Variants in B3GLCT observed in about 807,000 individuals in gnomAD.
B3GLCT encodes the protein beta 3-glucosyltransferase, also known as beta-1,3-glucosyltransferase.
B3GLCT carries 65 observed loss-of-function variants against 63.4 expected under a neutral mutation model. The ratio of observed to expected loss-of-function variants is 1.03; its 90% confidence interval spans 0.84 to 1.26. The LOEUF (loss-of-function observed/expected upper bound fraction) is 1.26. Ranked by LOEUF, B3GLCT falls within the 50% of genes most tolerant of loss-of-function variation. The probability of loss-of-function intolerance (pLI) is 0.00; values close to 1 mark genes in which losing one functional copy is unlikely to be tolerated. For missense variants in B3GLCT, 577 were observed against 604.8 expected (o/e 0.95, Z 0.48); for synonymous variants, 233 against 219.2 (o/e 1.06, Z -0.55).
intron 12 of B3GLCT, among the ~76,000 whole-genome samples, chr13:31,309,812 A>G (rs1158270456): frequency 6.6e-6 from 1 of 152,190 alleles, no homozygotes; most frequent in African/African-American, 2.4e-5. Flanking sequence ...TAAAAATGTG[A>G]TTGAACAAGA....
chr13:31,294,935 T>C (rs1448464067), intron 12 of B3GLCT, among the ~76,000 whole-genome samples: 4 of 152,146 alleles, frequency 2.6e-5, no homozygotes, highest in Non-Finnish European at 5.9e-5. Context: ...TGGTTTTTCC[T>C]CATCTTCGTG....
intron 12 of B3GLCT, among the ~76,000 whole-genome samples, chr13:31,294,842 T>C (rs982798742): frequency 1.3e-5 from 2 of 152,214 alleles, no homozygotes; most frequent in African/African-American, 4.8e-5. Flanking sequence ...TGTCCAGTTT[T>C]GTTCCCTTGC....
At chr13:31,285,604 TAAAA>T (rs11339832) in intron 11 of B3GLCT, among the ~76,000 whole-genome samples, 2,685 of 84,188 alleles carry the variant, frequency 0.032, 43 homozygotes, top group Non-Finnish European at 0.035. Context: ...CTTTTATGAG[TAAAA>T]AAAAAAAAAA....
At chr13:31,274,861 C>A (rs1022196491) in intron 9 of B3GLCT, among the ~76,000 whole-genome samples, 15 of 152,102 alleles carry the variant, frequency 9.9e-5, no homozygotes, top group African/African-American at 3.6e-4. Flanking sequence ...TTCCTTCCTC[C>A]CCTTTTTAGA....
In B3GLCT at chr13:31,317,668, C is replaced by T. The variant is rs1875117878; in HGVS notation, c.1167C>T (p.Tyr389=). Residue 389 remains tyrosine (Y), a synonymous_variant, in exon 13 of 15, where the codon TAC becomes TAT. Coordinates refer to ENST00000343307, the MANE Select transcript of B3GLCT (RefSeq NM_194318.4). ...GYGLGTGGYS[Y]ITGGGGMVFS... ...GCCTGGGCACTGGTGGCTACAGCTA[C>T]ATCACGGGAGGAGGAGGGTAACTAT... 1.2e-6 allele frequency: 2 copies of T among 1,614,046 alleles called. No homozygotes were observed. Among genetic ancestry groups the T allele is most frequent in the African/African-American group, 2.7e-5 (2 of 75,006 alleles).
intron 1 of B3GLCT, among the ~76,000 whole-genome samples, chr13:31,201,674 T>G (rs1360626116): frequency 2.0e-5 from 3 of 152,228 alleles, no homozygotes; most frequent in Non-Finnish European, 2.9e-5. Flanking sequence ...AATGCTGTAC[T>G]GGGGGTATAA....
intron 1 of B3GLCT, among the ~76,000 whole-genome samples, chr13:31,211,012 G>T (rs1008825584): frequency 1.3e-5 from 2 of 152,162 alleles, no homozygotes; most frequent in African/African-American, 4.8e-5. Context: ...CGAAGTGCTA[G>T]AATTACAGGC....
Position 31,331,515 on chromosome 13 carries a change from T to C in B3GLCT, c.*1847T>C, listed in dbSNP as rs1185831390. Reference sequence around the variant, plus strand: ...AAGCCTAACCACAAGTAAAAGATCTTTGCCTAAGTTTTTGATTTCTCAAAT... The same window carrying C: ...AAGCCTAACCACAAGTAAAAGATCTCTGCCTAAGTTTTTGATTTCTCAAAT... On this transcript the variant is annotated 3_prime_UTR_variant, in exon 15 of 15. Transcript: ENST00000343307. The C allele has an allele frequency of 2.0e-5, 3 of 152,024 alleles. No homozygotes were observed. The highest frequency in any genetic ancestry group is 6.6e-5 in the Admixed American group (1 of 15,244). The allele number at this position is 152,024 out of a possible 1,614,324, so 9.4% of individuals were successfully genotyped here. A position where few individuals can be genotyped will look rare whatever the true frequency, so the allele number is the denominator to read the frequency against.
intron 12 of B3GLCT, among the ~76,000 whole-genome samples, chr13:31,313,900 C>T (rs1295591537): frequency 6.6e-6 from 1 of 152,152 alleles, no homozygotes; most frequent in African/African-American, 2.4e-5. Context: ...GGTCCCCATG[C>T]TGTGTGCAGT....
At chr13:31,271,734 A>G (rs1442682902) in intron 8 of B3GLCT, among the ~76,000 whole-genome samples, 2 of 152,152 alleles carry the variant, frequency 1.3e-5, no homozygotes, top group African/African-American at 2.4e-5. Flanking sequence ...CATTGCTTCA[A>G]TCCTTCATTT....
rs2137752682 is a variant in B3GLCT at position 31,219,002 on chromosome 13, C to T, written c.120+3902C>T. 2.0e-5 allele frequency among the ~76,000 whole-genome samples: 3 copies of T among 151,298 alleles called. No individual in the cohort carries two copies. The South Asian group carries it at 6.3e-4, about 32-fold the overall frequency. ...AAGCCCTGGACAGATAGATTCATAG[C>T]CAAATTCTACCAGATGTGTAAAGCG... is the stretch of plus-strand genomic sequence containing the variant. On this transcript the variant is annotated intron_variant, in intron 2 of 14. Transcript: ENST00000343307.
At chr13:31,255,260 C>T (rs1871677487) in intron 6 of B3GLCT, among the ~76,000 whole-genome samples, 1 of 152,066 alleles carries the variant, frequency 6.6e-6, no homozygotes, top group East Asian at 1.9e-4. Context: ...TGAAGGGCCT[C>T]TTCAAGCAGA....
chr13:31,311,912 T>C (rs772299782), intron 12 of B3GLCT, among the ~76,000 whole-genome samples: 3 of 152,192 alleles, frequency 2.0e-5, no homozygotes, highest in Non-Finnish European at 4.4e-5. Flanking sequence ...TTTTATAGAT[T>C]AAACTTCCCA....
chr13:31,224,628 C>G (rs1869998879), intron 3 of B3GLCT, among the ~76,000 whole-genome samples: 2 of 151,902 alleles, frequency 1.3e-5, no homozygotes, highest in Non-Finnish European at 2.9e-5. Flanking sequence ...GCACGGGATG[C>G]TGTTTCTCCT....
Position 31,252,391 on chromosome 13 carries a change from G to A in B3GLCT, c.459+4425G>A, listed in dbSNP as rs189233388. ...CAATATTAACCTTAAATGTAAATGG[G>A]CTAAATGCTCCAGTTAAAAGACACA... On this transcript the variant is annotated intron_variant, in intron 6 of 14. Transcript: ENST00000343307. 1.2e-3 allele frequency among the ~76,000 whole-genome samples: 181 copies of A among 152,258 alleles called. 1 individual carries two copies. Among genetic ancestry groups the A allele is most frequent in the Non-Finnish European group, 1.8e-3 (123 of 68,018 alleles).
At chr13:31,229,051 T>A (rs1179181187) in intron 3 of B3GLCT, 134 bp from the exon 4 acceptor site, 2 of 661,344 alleles carry the variant, frequency 3.0e-6, no homozygotes, top group Admixed American at 5.4e-5. Context: ...TAGAATTACA[T>A]ACGAATTGAT....
intron 10 of B3GLCT, among the ~76,000 whole-genome samples, chr13:31,278,923 A>G (rs1872924778): frequency 6.6e-6 from 1 of 152,208 alleles, no homozygotes; most frequent in South Asian, 2.1e-4. Flanking sequence ...ATGATACACA[A>G]CTGGCTCAGT....
rs35512327 is a variant in B3GLCT, at chr13:31,253,595, CAAAAAAAAAA to C, written c.459+5646_459+5655del. On this transcript the variant is annotated intron_variant, in intron 6 of 14. Coordinates refer to ENST00000343307, the MANE Select transcript of B3GLCT (RefSeq NM_194318.4). ...TGGGTGACAGAGTGAGACTCCATCT[CAAAAAAAAAA>C]AAAAAAAAAAAAAAAACTAGAGAAG... 8.1e-4 allele frequency among the ~76,000 whole-genome samples: 15 copies of C among 18,418 alleles called. 1 individual carries two copies. The highest frequency in any genetic ancestry group is 7.7e-5 in the Non-Finnish European group (1 of 13,014). 12.1% of individuals were successfully genotyped at this position (18,418 alleles called of 152,430 possible).
chr13:31,229,849 A>G (rs899773401), intron 4 of B3GLCT, among the ~76,000 whole-genome samples: 7 of 150,056 alleles, frequency 4.7e-5, no homozygotes, highest in Admixed American at 2.0e-4. Context: ...ATATAAAAAT[A>G]TATATAAATT....
Sources: gnomAD v4.1 joint callset for allele counts (sites outside exome capture counted in the v4.1 genomes callset) on GRCh38, gnomAD v4.1.1 for gene constraint, MANE v1.5 for transcripts, NCBI Gene and HGNC (gene_info 2026-07-23, HGNC 2026-07-21) for gene names.